CHST8: variants seen among roughly 807,000 people sequenced by gnomAD.
CHST8 encodes the protein carbohydrate sulfotransferase 8.
A neutral mutation model predicts 15.0 loss-of-function variants in CHST8; 10 were observed. That is an observed-to-expected ratio of 0.67 (90% confidence interval 0.41 to 1.13). The LOEUF is 1.13. Ranked by LOEUF, CHST8 falls within the 50% of genes most tolerant of loss-of-function variation. CHST8 has a pLI of 0.00. For missense variants in CHST8, 634 were observed against 608.2 expected (o/e 1.04, Z -0.45); for synonymous variants, 259 against 256.6 (o/e 1.01, Z -0.09).
intron 3 of CHST8, among the ~76,000 whole-genome samples, chr19:33,747,660 A>G (rs1436281540): frequency 6.6e-6 from 1 of 152,168 alleles, no homozygotes; most frequent in African/African-American, 2.4e-5. Flanking sequence ...AGGGCTGTCC[A>G]AGAGGGGCAA....
At chr19:33,708,536 T>C (rs1210947588) in intron 3 of CHST8, among the ~76,000 whole-genome samples, 1 of 152,248 alleles carries the variant, frequency 6.6e-6, no homozygotes, top group Non-Finnish European at 1.5e-5. Context: ...AAATTGACCA[T>C]AAATTTAAGA....
chr19:33,725,594 T>C (rs1973878080), intron 3 of CHST8, among the ~76,000 whole-genome samples: 1 of 152,122 alleles, frequency 6.6e-6, no homozygotes, highest in Non-Finnish European at 1.5e-5. Flanking sequence ...TTGCCCCAAA[T>C]GCGACGCAAG....
chr19:33,698,153 T>C (rs1973257994), intron 3 of CHST8, among the ~76,000 whole-genome samples: 2 of 152,214 alleles, frequency 1.3e-5, no homozygotes, highest in Non-Finnish European at 2.9e-5. Flanking sequence ...GGCATGGGCC[T>C]GTAGTCCCAG....
chr19:33,648,765 C>G (rs1295557909), intron 1 of CHST8, among the ~76,000 whole-genome samples: 1 of 152,056 alleles, frequency 6.6e-6, no homozygotes, highest in Non-Finnish European at 1.5e-5. Flanking sequence ...CGAATGTGTA[C>G]ACAGCAGCTT....
chr19:33,671,893 C>T (rs909781376), intron 2 of CHST8, among the ~76,000 whole-genome samples: 1 of 151,918 alleles, frequency 6.6e-6, no homozygotes, highest in Non-Finnish European at 1.5e-5. Flanking sequence ...ATATTTACCA[C>T]ATGTGTGATT....
chr19:33,637,577 T>C (rs1422809927), intron 1 of CHST8, among the ~76,000 whole-genome samples: 4 of 151,012 alleles, frequency 2.6e-5, no homozygotes, highest in African/African-American at 7.3e-5. Context: ...TAATTTTTGG[T>C]ATTTTTAGTA....
Position 33,773,328 on chromosome 19 carries a change from G to C in CHST8, c.*265G>C, listed in dbSNP as rs1272552745. On this transcript the variant is annotated 3_prime_UTR_variant, in exon 5 of 5. Transcript: ENST00000650847. ...GGGCAGACACCCCTGGAGCTCAGCC[G>C]ACAGTTTTGATGAGCAGGGAAGTCT... is the stretch of plus-strand genomic sequence containing the variant. 1 of 504,652 alleles carries C rather than the reference G, an allele frequency of 2.0e-6. No homozygotes were observed. The highest frequency in any genetic ancestry group is 1.9e-5 in the African/African-American group (1 of 52,328). 31.3% of individuals were successfully genotyped at this position (504,652 alleles called of 1,614,324 possible). A position where few individuals can be genotyped will look rare whatever the true frequency, so the allele number is the denominator to read the frequency against.
chr19:33,772,272 G>C lies in CHST8; in HGVS notation c.484G>C (p.Glu162Gln), dbSNP rs1036107468. ...SQQERKRVMQ[E>Q]ACAKYRASSS... ...GCAGGAGCGCAAGCGGGTGATGCAG[G>C]AGGCCTGCGCCAAGTACCGGGCGAG... The change falls in exon 5 of 5, where the codon GAG (glutamate) becomes CAG (glutamine). Residue 162 changes from glutamate to glutamine, a missense_variant. Coordinates refer to ENST00000650847, the MANE Select transcript of CHST8 (RefSeq NM_001127895.2). The C allele has an allele frequency of 1.2e-6, 2 of 1,601,430 alleles. No homozygotes were observed. Among genetic ancestry groups the C allele is most frequent in the Non-Finnish European group, 1.7e-6 (2 of 1,178,924 alleles).
intron 3 of CHST8, among the ~76,000 whole-genome samples, chr19:33,690,251 C>T (rs1177237978): frequency 1.3e-5 from 2 of 152,210 alleles, no homozygotes; most frequent in Admixed American, 1.3e-4. Context: ...AGAGACACCG[C>T]TCCTCTGCAG....
At chr19:33,656,357 C>T (rs923904130) in intron 1 of CHST8, among the ~76,000 whole-genome samples, 2 of 152,112 alleles carry the variant, frequency 1.3e-5, no homozygotes, top group African/African-American at 4.8e-5. Flanking sequence ...TTATAAGAAG[C>T]ATTCTGGTTT....
chr19:33,742,524 G>A (rs1244631009), intron 3 of CHST8, among the ~76,000 whole-genome samples: 1 of 152,084 alleles, frequency 6.6e-6, no homozygotes, highest in Non-Finnish European at 1.5e-5. Context: ...ACCATGGGGA[G>A]GGCAACAAGC....
intron 3 of CHST8, among the ~76,000 whole-genome samples, chr19:33,695,708 C>T (rs1973196323): frequency 6.6e-6 from 1 of 151,968 alleles, no homozygotes; most frequent in Admixed American, 6.6e-5. Context: ...AGAATAATGC[C>T]CTCCCCATCT....
intron 1 of CHST8, among the ~76,000 whole-genome samples, chr19:33,652,393 T>TTTTTTG (rs1491474033): frequency 6.9e-6 from 1 of 145,360 alleles, no homozygotes; most frequent in South Asian, 2.2e-4. Flanking sequence ...TTTTTTTTTT[T>TTTTTTG]GAGACAGCTT....
intron 1 of CHST8, among the ~76,000 whole-genome samples, chr19:33,664,371 A>G (rs1600245952): frequency 6.6e-6 from 1 of 150,626 alleles, no homozygotes; most frequent in Non-Finnish European, 1.5e-5. Context: ...TGCCATGCTG[A>G]TGCGCTGCAC....
intron 3 of CHST8, among the ~76,000 whole-genome samples, chr19:33,731,317 C>T (rs376037547): frequency 3.1e-4 from 47 of 152,232 alleles, no homozygotes; most frequent in African/African-American, 1.0e-3. Context: ...ATGAGTTTTC[C>T]GAGAAAGGGG....
chr19:33,755,708 A>T (rs1304657926), intron 3 of CHST8, among the ~76,000 whole-genome samples: 1 of 152,162 alleles, frequency 6.6e-6, no homozygotes, highest in Non-Finnish European at 1.5e-5. Flanking sequence ...CGCAGCCTGG[A>T]GGGGCTGCCT....
At chr19:33,692,162 C>T (rs1973110121) in intron 3 of CHST8, among the ~76,000 whole-genome samples, 1 of 150,610 alleles carries the variant, frequency 6.6e-6, no homozygotes, top group Non-Finnish European at 1.5e-5. Context: ...TTTTTTTTTA[C>T]TACAGTCCAA....
Position 33,773,250 on chromosome 19 carries a change from C to A in CHST8, c.*187C>A. The A allele has an allele frequency of 3.1e-6, 2 of 643,294 alleles. No individual in the cohort carries two copies. Among genetic ancestry groups the A allele is most frequent in the Non-Finnish European group, 5.3e-6 (2 of 380,060 alleles). 39.8% of individuals were successfully genotyped at this position (643,294 alleles called of 1,614,324 possible). A position where few individuals can be genotyped will look rare whatever the true frequency, so the allele number is the denominator to read the frequency against. On this transcript the variant is annotated 3_prime_UTR_variant, in exon 5 of 5. Transcript: ENST00000650847. The stretch of plus-strand genomic sequence containing the variant: ...CCCAGCCTTGGATGGGGACCCCAGC[C>A]CCTGGCCTGTACCTGTTTCCTCATT...
chr19:33,698,392 A>G (rs1236247546), intron 3 of CHST8, among the ~76,000 whole-genome samples: 1 of 148,498 alleles, frequency 6.7e-6, no homozygotes, highest in African/African-American at 2.6e-5. Context: ...CAAAAAGAAA[A>G]AAAAAAAAAA....
Sources: allele counts gnomAD v4.1 joint callset (sites outside exome capture counted in the v4.1 genomes callset), GRCh38; gene constraint gnomAD v4.1.1; transcripts MANE v1.5; gene names NCBI Gene and HGNC (gene_info 2026-07-23, HGNC 2026-07-21).